The following ASTN2 variants were observed in gnomAD, a reference collection of about 807,000 sequenced individuals.
ASTN2 encodes astrotactin-2.
In ASTN2, 54 loss-of-function variants were observed where a neutral mutation model predicts 139.8. That is an observed-to-expected ratio of 0.39 (90% confidence interval 0.31 to 0.48). ASTN2 has a LOEUF of 0.48. Among genes scored for constraint, ASTN2 ranks in the 20% least tolerant of loss-of-function variants. The pLI is 0.95. For missense variants in ASTN2, 1,565 were observed against 1,725.1 expected (o/e 0.91, Z 1.64); for synonymous variants, 756 against 719.5 (o/e 1.05, Z -0.81).
intron 5 of ASTN2, among the ~76,000 whole-genome samples, chr9:117,057,299 G>C (rs1322711701): frequency 1.3e-5 from 2 of 152,090 alleles, no homozygotes; most frequent in Non-Finnish European, 2.9e-5. Flanking sequence ...TCAGCTCCTT[G>C]CGCTGAAATG....
At position 116,762,617 on chromosome 9, in the gene ASTN2, G is replaced by A. The variant is rs1455118256; in HGVS notation, c.2397-29094C>T. On this transcript the variant is annotated intron_variant, in intron 13 of 22. Transcript: ENST00000313400. ...TTTATTGCCTGGAAAAAAATTAAAA[G>A]GTAATAATATTTTGTGTGACATGTG... Among the ~76,000 whole-genome samples, 4 of 152,352 alleles carry A rather than the reference G, an allele frequency of 2.6e-5. No individual in the cohort carries two copies. The East Asian group carries it at 7.7e-4, about 29-fold the overall frequency.
chr9:116,461,964 G>A (rs914708256), intron 20 of ASTN2, among the ~76,000 whole-genome samples: 6 of 152,088 alleles, frequency 3.9e-5, no homozygotes, highest in African/African-American at 9.7e-5. Flanking sequence ...ATCTTGCAAG[G>A]AGCTTTAAAT....
At chr9:117,261,442 G>A (rs1833820018) in intron 2 of ASTN2, among the ~76,000 whole-genome samples, 1 of 152,120 alleles carries the variant, frequency 6.6e-6, no homozygotes, top group Non-Finnish European at 1.5e-5. Flanking sequence ...CAAAGCACTT[G>A]GAACGTCTGA....
At chr9:116,820,405 A>C (rs1831453760) in intron 12 of ASTN2, among the ~76,000 whole-genome samples, 1 of 152,224 alleles carries the variant, frequency 6.6e-6, no homozygotes, top group South Asian at 2.1e-4. Context: ...TATTAACCCA[A>C]TCTTTATTTT....
At chr9:116,429,459 A>G (rs1483551353) in intron 22 of ASTN2, among the ~76,000 whole-genome samples, 1 of 151,272 alleles carries the variant, frequency 6.6e-6, no homozygotes, top group African/African-American at 2.4e-5. Flanking sequence ...AAAGCTTCTT[A>G]TTCTTGGTTT....
chr9:116,816,740 C>T (rs1831339757), intron 12 of ASTN2, among the ~76,000 whole-genome samples: 1 of 151,816 alleles, frequency 6.6e-6, no homozygotes, highest in Non-Finnish European at 1.5e-5. Context: ...CTGTGCAGCC[C>T]CAGAGAAAGG....
chr9:116,706,832 C>T (rs572069680), intron 16 of ASTN2, among the ~76,000 whole-genome samples: 5 of 138,118 alleles, frequency 3.6e-5, no homozygotes, highest in East Asian at 2.2e-4. Flanking sequence ...CTTTGTACTG[C>T]GTTCACTGAG....
At chr9:117,121,017 C>G (rs527772691) in intron 4 of ASTN2, among the ~76,000 whole-genome samples, 1 of 152,204 alleles carries the variant, frequency 6.6e-6, no homozygotes, top group African/African-American at 2.4e-5. Context: ...CTGGGGTACA[C>G]AGTATGTGTC....
At chr9:117,363,608 C>T (rs984251102) in intron 1 of ASTN2, among the ~76,000 whole-genome samples, 5 of 152,084 alleles carry the variant, frequency 3.3e-5, no homozygotes, top group Non-Finnish European at 2.9e-5. Flanking sequence ...ATAGAGAGGA[C>T]ATTTTTGGTT....
intron 3 of ASTN2, among the ~76,000 whole-genome samples, chr9:117,202,821 T>A (rs1042049494): frequency 6.6e-6 from 1 of 152,110 alleles, no homozygotes; most frequent in Non-Finnish European, 1.5e-5. Context: ...TTGGGGTTGA[T>A]CTTCTCGTGG....
intron 1 of ASTN2, among the ~76,000 whole-genome samples, chr9:117,349,061 G>A (rs1460629512): frequency 2.0e-5 from 3 of 152,158 alleles, no homozygotes; most frequent in Admixed American, 6.5e-5. Flanking sequence ...AGGCAAGGGC[G>A]GTGAAGCATG....
chr9:116,748,268 A>T (rs1384914182), intron 13 of ASTN2, among the ~76,000 whole-genome samples: 1 of 152,184 alleles, frequency 6.6e-6, no homozygotes. Context: ...TGGCCTCCTT[A>T]ACAGATCTGC....
intron 7 of ASTN2, among the ~76,000 whole-genome samples, chr9:116,989,795 G>A (rs1836795926): frequency 6.6e-6 from 1 of 152,022 alleles, no homozygotes; most frequent in Admixed American, 6.6e-5. Context: ...TGTTGGCCAG[G>A]TTAGTCTCAA....
intron 6 of ASTN2, among the ~76,000 whole-genome samples, chr9:117,037,718 T>C (rs1481084325): frequency 6.6e-6 from 1 of 152,156 alleles, no homozygotes; most frequent in East Asian, 1.9e-4. Flanking sequence ...AGCTGAGAGA[T>C]GAAGGGTGGG....
At chr9:116,663,812 T>C (rs1212421207) in intron 16 of ASTN2, among the ~76,000 whole-genome samples, 1 of 152,142 alleles carries the variant, frequency 6.6e-6, no homozygotes, top group Non-Finnish European at 1.5e-5. Flanking sequence ...ATCCTAACAA[T>C]GAGAGGTAGG....
chr9:117,059,653 A>C (rs1839180568), intron 5 of ASTN2, among the ~76,000 whole-genome samples: 1 of 152,076 alleles, frequency 6.6e-6, no homozygotes, highest in Non-Finnish European at 1.5e-5. Flanking sequence ...CAAAAACCCC[A>C]CCACCACCAC....
At chr9:117,363,358 C>T (rs1326408164) in intron 1 of ASTN2, among the ~76,000 whole-genome samples, 3 of 152,186 alleles carry the variant, frequency 2.0e-5, no homozygotes, top group Non-Finnish European at 2.9e-5. Context: ...ATTTCGTTCT[C>T]TCAACAGCCC....
chr9:117,120,018 G>GTGTATGTATATA (rs1306397698), intron 4 of ASTN2, among the ~76,000 whole-genome samples: 7 of 46,000 alleles, frequency 1.5e-4, no homozygotes, highest in Admixed American at 3.0e-4. Context: ...GTGTGTGTGT[G>GTGTATGTATATA]TATATATATA....
intron 1 of ASTN2, among the ~76,000 whole-genome samples, chr9:117,375,612 A>T (rs1830102017): frequency 6.6e-6 from 1 of 152,222 alleles, no homozygotes; most frequent in Non-Finnish European, 1.5e-5. Context: ...GAAAAAGTGA[A>T]ACACAGCTTG....
Sources: allele counts gnomAD v4.1 joint callset (sites outside exome capture counted in the v4.1 genomes callset), GRCh38; gene constraint gnomAD v4.1.1; transcripts MANE v1.5; gene names NCBI Gene and HGNC (gene_info 2026-07-23, HGNC 2026-07-21).